PODXL: variants seen among roughly 807,000 people sequenced by gnomAD.
The protein encoded by PODXL is podocalyxin.
PODXL carries 20 observed loss-of-function variants against 48.9 expected under a neutral mutation model. The observed-to-expected ratio is 0.41, with a 90% CI of 0.29 to 0.59. PODXL has a LOEUF of 0.59. Among genes scored for constraint, PODXL ranks in the 20% least tolerant of loss-of-function variants. The pLI is 0.31. For missense variants in PODXL, 606 were observed against 675.1 expected, an observed-to-expected ratio of 0.90 and a Z score of 1.13; for synonymous variants, 295 against 287.4, an observed-to-expected ratio of 1.03 and a Z score of -0.27.
intron 1 of PODXL, among the ~76,000 whole-genome samples, chr7:131,526,765 G>A (rs181330937): frequency 5.1e-4 from 5 of 9,794 alleles, no homozygotes; most frequent in East Asian, 0.17. Context: ...TTTTTGAGAC[G>A]GAGTCTGTTG....
At chr7:131,512,994 C>A (rs79076246) in intron 1 of PODXL, among the ~76,000 whole-genome samples, 398 of 95,472 alleles carry the variant, frequency 4.2e-3, no homozygotes, top group South Asian at 8.7e-3. Flanking sequence ...GACTCCGTCT[C>A]AAAAAAAAAA....
At chr7:131,508,092 GTTATT>G (rs1797841669) in intron 5 of PODXL, among the ~76,000 whole-genome samples, 2 of 152,142 alleles carry the variant, frequency 1.3e-5, no homozygotes, top group African/African-American at 4.8e-5. Context: ...GCGCTCGGCA[GTTATT>G]TACTGAGTGT....
intron 1 of PODXL, among the ~76,000 whole-genome samples, chr7:131,526,779 A>G (rs919101179): frequency 1.9e-5 from 2 of 104,864 alleles, no homozygotes; most frequent in African/African-American, 7.5e-5. Flanking sequence ...TCTGTTGCCC[A>G]GGCTGGAGTG....
intron 1 of PODXL, among the ~76,000 whole-genome samples, chr7:131,550,784 C>T (rs571634367): frequency 1.8e-3 from 280 of 151,706 alleles, no homozygotes; most frequent in Admixed American, 4.7e-3. Flanking sequence ...CATACATGCA[C>T]GCACACACAC....
chr7:131,539,574 C>T (rs1798441545), intron 1 of PODXL, among the ~76,000 whole-genome samples: 1 of 152,264 alleles, frequency 6.6e-6, no homozygotes, highest in South Asian at 2.1e-4. Flanking sequence ...CGTGATCAGC[C>T]TCCCAAAGTG....
At chr7:131,530,343 G>A (rs1798257687) in intron 1 of PODXL, among the ~76,000 whole-genome samples, 1 of 152,042 alleles carries the variant, frequency 6.6e-6, no homozygotes, top group South Asian at 2.1e-4. Flanking sequence ...AAGGTATCAG[G>A]TGCCCTCTCT....
chr7:131,534,965 T>C (rs1798346486), intron 1 of PODXL, among the ~76,000 whole-genome samples: 2 of 152,120 alleles, frequency 1.3e-5, no homozygotes, highest in African/African-American at 2.4e-5. Flanking sequence ...GGTGGGAGGA[T>C]GGCTTGAGCC....
At chr7:131,547,978 GA>G (rs2116866266) in intron 1 of PODXL, among the ~76,000 whole-genome samples, 1 of 152,366 alleles carries the variant, frequency 6.6e-6, no homozygotes, top group Admixed American at 6.5e-5. Flanking sequence ...GCCAGTGGGG[GA>G]ACCCAGGTCC....
chr7:131,504,243 T>C lies in PODXL; in HGVS notation c.*68A>G. On this transcript the variant is annotated 3_prime_UTR_variant, in exon 9 of 9. Coordinates refer to ENST00000378555, the MANE Select transcript of PODXL (RefSeq NM_001018111.3). ...CCCTCCCCAGTCTTTCCCTTCCCCA[T>C]CCAAACGGCACTTGGGGTGGTTGGT... The C allele has an allele frequency of 7.3e-7, 1 of 1,361,044 alleles. No individual in the cohort carries two copies. The highest frequency in any genetic ancestry group is 1.0e-6 in the Non-Finnish European group (1 of 963,072). 84.3% of individuals were successfully genotyped at this position (1,361,044 alleles called of 1,614,324 possible). A position where few individuals can be genotyped will look rare whatever the true frequency, so the allele number is the denominator to read the frequency against.
At position 131,504,185 on chromosome 7, in the gene PODXL, G is replaced by A. The variant is rs117320741; in HGVS notation, c.*126C>T. 2.1e-3 allele frequency: 1,519 copies of A among 713,640 alleles called. 41 individuals carry two copies. The East Asian group carries it at 0.038, about 18-fold the overall frequency. The allele number at this position is 713,640 out of a possible 1,614,324, so 44.2% of individuals were successfully genotyped here. Reference sequence around the variant, plus strand: ...AAGGGAAAAATTAAGGCCCTGGGGGGATTGGGAGGGGACACCCCTCGGAGT... The same window carrying A: ...AAGGGAAAAATTAAGGCCCTGGGGGAATTGGGAGGGGACACCCCTCGGAGT... On this transcript the variant is annotated 3_prime_UTR_variant, in exon 9 of 9. Coordinates refer to ENST00000378555, the MANE Select transcript of PODXL (RefSeq NM_001018111.3).
At chr7:131,514,327 T>G (rs553149251) in intron 1 of PODXL, among the ~76,000 whole-genome samples, 3 of 152,140 alleles carry the variant, frequency 2.0e-5, no homozygotes, top group African/African-American at 4.8e-5. Flanking sequence ...GGCAGGAGAA[T>G]AGCTTGAACC....
At chr7:131,520,046 A>C (rs1798067727) in intron 1 of PODXL, 1 of 187,736 alleles carries the variant, frequency 5.3e-6, no homozygotes, top group Non-Finnish European at 1.1e-5. Flanking sequence ...GGGAAAGAAA[A>C]AAACTTACCA....
chr7:131,500,919 A>G lies in PODXL; in HGVS notation c.*3392T>C, dbSNP rs1472150484. The stretch of plus-strand genomic sequence containing the variant: ...TTCTGTCCTGAACCATGTGATTTTG[A>G]GGAAGTCACTTCATCTTTGTGAGCT... On this transcript the variant is annotated 3_prime_UTR_variant, in exon 9 of 9. Transcript: ENST00000378555. 1.3e-5 allele frequency: 2 copies of G among 152,132 alleles called. No individual in the cohort carries two copies. Among genetic ancestry groups the G allele is most frequent in the Non-Finnish European group, 2.9e-5 (2 of 68,024 alleles). The allele number at this position is 152,132 out of a possible 1,614,324, so 9.4% of individuals were successfully genotyped here.
At chr7:131,550,493 G>A (rs745499337) in intron 1 of PODXL, among the ~76,000 whole-genome samples, 3 of 152,080 alleles carry the variant, frequency 2.0e-5, no homozygotes, top group Non-Finnish European at 4.4e-5. Context: ...TATTTCTACA[G>A]AAATTAGCTG....
chr7:131,541,453 C>T lies in PODXL; in HGVS notation c.100+14807G>A, dbSNP rs546264764. The stretch of plus-strand genomic sequence containing the variant: ...CTGTAATCCCAGCACTTTGGGAGGC[C>T]GAGGCGGGTGGATCACGAGGTCAGG... On this transcript the variant is annotated intron_variant, in intron 1 of 8. Transcript: ENST00000378555. 7.9e-5 allele frequency among the ~76,000 whole-genome samples: 12 copies of T among 151,926 alleles called. No individual in the cohort carries two copies. In the East Asian group the frequency reaches 9.7e-4, roughly 12 times the overall value.
chr7:131,536,873 C>T (rs1798383988), intron 1 of PODXL, among the ~76,000 whole-genome samples: 1 of 152,190 alleles, frequency 6.6e-6, no homozygotes, highest in Admixed American at 6.5e-5. Context: ...ACCTGCAATC[C>T]CAGCACTTTG....
rs1470628009 is a variant in PODXL, at chr7:131,511,063, G to A, written c.471C>T (p.Asn157=). The stretch of plus-strand genomic sequence containing the variant: ...CACTGTGGCTGCTTTTCCCCCCAGA[G>A]TTTGTTGTATCTTCTGCTCCATTCT... ...SSQNGAEDTT[N]SGGKSSHSVT... is the part of the protein sequence containing the mutation. The change falls in exon 2 of 9, where the codon AAC becomes AAT. Residue 157 remains asparagine (N), a synonymous_variant. Transcript: ENST00000378555. The A allele has an allele frequency of 6.2e-7, 1 of 1,614,102 alleles. No homozygotes were observed. The highest frequency in any genetic ancestry group is 1.7e-5 in the Admixed American group (1 of 60,010).
chr7:131,547,887 G>T (rs1163179231), intron 1 of PODXL, among the ~76,000 whole-genome samples: 1 of 152,218 alleles, frequency 6.6e-6, no homozygotes, highest in African/African-American at 2.4e-5. Flanking sequence ...CCCTAAGACA[G>T]TATTTCCTTG....
intron 1 of PODXL, among the ~76,000 whole-genome samples, chr7:131,552,557 G>A (rs1798684887): frequency 6.6e-6 from 1 of 152,084 alleles, no homozygotes; most frequent in African/African-American, 2.4e-5. Context: ...CCTTCTCTAG[G>A]CCTGGGGGAC....
Sources: allele counts gnomAD v4.1 joint callset (sites outside exome capture counted in the v4.1 genomes callset), GRCh38; gene constraint gnomAD v4.1.1; transcripts MANE v1.5; gene names NCBI Gene and HGNC (gene_info 2026-07-23, HGNC 2026-07-21).